The following RHBDL3 variants were observed in gnomAD, a reference collection of about 807,000 sequenced individuals.
The protein encoded by RHBDL3 is rhomboid like 3.
A neutral mutation model predicts 48.2 loss-of-function variants in RHBDL3; 28 were observed. The observed-to-expected ratio is 0.58, with a 90% CI of 0.43 to 0.80. RHBDL3 has a LOEUF of 0.80. Among genes scored for constraint, RHBDL3 ranks in the 30% least tolerant of loss-of-function variants. RHBDL3 has a pLI of 0.00. For synonymous variants in RHBDL3, 208 were observed against 232.3 expected, an observed-to-expected ratio of 0.90 and a Z score of 0.95; for missense variants, 464 against 542.7, an observed-to-expected ratio of 0.85 and a Z score of 1.44.
chr17:32,281,269 G>A (rs2040036226), intron 2 of RHBDL3, among the ~76,000 whole-genome samples: 1 of 152,134 alleles, frequency 6.6e-6, no homozygotes, highest in South Asian at 2.1e-4. Flanking sequence ...GGGAGCACTG[G>A]AGGGGGAGAT....
rs72811097 is a variant in RHBDL3 at position 32,321,848 on chromosome 17, G to A, written c.*619G>A. 0.15 allele frequency: 25,993 copies of A among 171,580 alleles called. 2,345 individuals carry two copies. The highest frequency in any genetic ancestry group is 0.24 in the African/African-American group (10,224 of 42,060). 10.6% of individuals were successfully genotyped at this position (171,580 alleles called of 1,614,324 possible). A position where few individuals can be genotyped will look rare whatever the true frequency, so the allele number is the denominator to read the frequency against. ...CTGGGTTGGGCAGAGCAGGGAGCCT[G>A]TAGGCTCTAGGACCCCTCTTGTGCT... On this transcript the variant is annotated 3_prime_UTR_variant, in exon 9 of 9. Transcript: ENST00000269051.
At chr17:32,302,535 A>G (rs1162440441) in intron 6 of RHBDL3, among the ~76,000 whole-genome samples, 1 of 112,596 alleles carries the variant, frequency 8.9e-6, no homozygotes, top group Non-Finnish European at 2.0e-5. Context: ...ATTTTTGTAT[A>G]TATATATATA....
chr17:32,303,752 G>A (rs1291675524), intron 6 of RHBDL3, among the ~76,000 whole-genome samples: 7 of 152,128 alleles, frequency 4.6e-5, no homozygotes, highest in Non-Finnish European at 7.4e-5. Context: ...AGGCCTTGAT[G>A]GAGGTGGGGG....
intron 2 of RHBDL3, among the ~76,000 whole-genome samples, chr17:32,268,313 A>T (rs1386741871): frequency 6.6e-6 from 1 of 152,166 alleles, no homozygotes; most frequent in Non-Finnish European, 1.5e-5. Context: ...TGGAGGGTCC[A>T]TGGCCACCGC....
At chr17:32,288,752 C>T (rs1256947088) in intron 3 of RHBDL3, 40 bp from the exon 4 acceptor site, 1 of 1,505,250 alleles carries the variant, frequency 6.6e-7, no homozygotes, top group African/African-American at 1.4e-5. Context: ...CTCCGCTGGG[C>T]CCCAGCTCTG....
intron 7 of RHBDL3, among the ~76,000 whole-genome samples, chr17:32,306,334 G>T (rs1292469128): frequency 6.6e-6 from 1 of 152,122 alleles, no homozygotes; most frequent in Non-Finnish European, 1.5e-5. Flanking sequence ...TGAGGCAAGA[G>T]AATTGCTTGA....
At chr17:32,287,551 G>T (rs978143700) in intron 3 of RHBDL3, among the ~76,000 whole-genome samples, 1 of 152,194 alleles carries the variant, frequency 6.6e-6, no homozygotes, top group Admixed American at 6.5e-5. Context: ...GGAATGTGAG[G>T]TGGGGGGACC....
At chr17:32,285,501 A>G (rs12950671) in intron 3 of RHBDL3, among the ~76,000 whole-genome samples, 58,631 of 151,862 alleles carry the variant, frequency 0.39, 11,387 homozygotes, top group South Asian at 0.61. Context: ...AGATAGGCCC[A>G]TGGATCCTGC....
At chr17:32,293,392 G>A (rs1179304706) in intron 4 of RHBDL3, among the ~76,000 whole-genome samples, 1 of 151,892 alleles carries the variant, frequency 6.6e-6, no homozygotes, top group African/African-American at 2.4e-5. Context: ...AACTGGCCTG[G>A]CCAACATGGT....
intron 6 of RHBDL3, among the ~76,000 whole-genome samples, chr17:32,298,448 C>A (rs1345942996): frequency 6.6e-6 from 1 of 152,242 alleles, no homozygotes; most frequent in Non-Finnish European, 1.5e-5. Context: ...TTGGGACAGG[C>A]TGGACAACCG....
At chr17:32,314,218 C>A (rs1158279678) in intron 7 of RHBDL3, among the ~76,000 whole-genome samples, 1 of 151,774 alleles carries the variant, frequency 6.6e-6, no homozygotes. Context: ...AAGGGGTGGC[C>A]GGTCAGTGAG....
chr17:32,283,983 C>G (rs1190576115), intron 2 of RHBDL3, among the ~76,000 whole-genome samples: 1 of 152,156 alleles, frequency 6.6e-6, no homozygotes, highest in Non-Finnish European at 1.5e-5. Context: ...GAAAGGGAAT[C>G]CCAGGCAGAG....
intron 2 of RHBDL3, among the ~76,000 whole-genome samples, chr17:32,274,763 T>G (rs1446287407): frequency 6.6e-6 from 1 of 152,076 alleles, no homozygotes; most frequent in Non-Finnish European, 1.5e-5. Flanking sequence ...AAGACAGCAG[T>G]GAGGACCTTT....
At chr17:32,307,438 T>A (rs1378462772) in intron 7 of RHBDL3, among the ~76,000 whole-genome samples, 1 of 152,206 alleles carries the variant, frequency 6.6e-6, no homozygotes, top group Non-Finnish European at 1.5e-5. Flanking sequence ...TATCAATCTC[T>A]CTGTCACCCA....
intron 2 of RHBDL3, among the ~76,000 whole-genome samples, chr17:32,268,368 G>T (rs911135353): frequency 1.3e-5 from 2 of 152,130 alleles, no homozygotes; most frequent in Non-Finnish European, 2.9e-5. Flanking sequence ...TCACAGTATG[G>T]ACTCTTTTGA....
rs751281087 is a variant in RHBDL3 at position 32,322,438 on chromosome 17, C to A, written c.*1209C>A. 2.6e-5 allele frequency: 4 copies of A among 152,232 alleles called. No homozygotes were observed. Among genetic ancestry groups the A allele is most frequent in the Non-Finnish European group, 5.9e-5 (4 of 68,104 alleles). 9.4% of individuals were successfully genotyped at this position (152,232 alleles called of 1,614,324 possible). A position where few individuals can be genotyped will look rare whatever the true frequency, so the allele number is the denominator to read the frequency against. ...GTTTGCCAGGTTCAGCTCTTGTTTC[C>A]GTCTGAGATGGCCTTCATATCCAAA... On this transcript the variant is annotated 3_prime_UTR_variant, in exon 9 of 9. Transcript: ENST00000269051.
intron 4 of RHBDL3, among the ~76,000 whole-genome samples, chr17:32,291,332 CAAAAAAGA>C (rs1260310092): frequency 3.9e-5 from 5 of 126,850 alleles, no homozygotes; most frequent in Admixed American, 2.4e-4. Flanking sequence ...GACTCCGTCT[CAAAAAAGA>C]AAAAAAGAAA....
At chr17:32,283,875 C>T (rs182259640) in intron 2 of RHBDL3, among the ~76,000 whole-genome samples, 3 of 152,258 alleles carry the variant, frequency 2.0e-5, no homozygotes, top group Admixed American at 6.5e-5. Flanking sequence ...CAGAGGGTTC[C>T]GTGAGAACAG....
At chr17:32,306,366 G>C (rs896385784) in intron 7 of RHBDL3, among the ~76,000 whole-genome samples, 1 of 152,184 alleles carries the variant, frequency 6.6e-6, no homozygotes, top group South Asian at 2.1e-4. Context: ...GGAGGTTGCA[G>C]TGAGCCGAGA....
Sources: allele counts gnomAD v4.1 joint callset (sites outside exome capture counted in the v4.1 genomes callset), GRCh38; gene constraint gnomAD v4.1.1; transcripts MANE v1.5; gene names NCBI Gene and HGNC (gene_info 2026-07-23, HGNC 2026-07-21).